COQ3: variants seen among roughly 807,000 people sequenced by gnomAD.
COQ3 encodes ubiquinone biosynthesis O-methyltransferase, mitochondrial.
A neutral mutation model predicts 33.1 loss-of-function variants in COQ3; 29 were observed. That is an observed-to-expected ratio of 0.88 (90% CI 0.65 to 1.19). The LOEUF (loss-of-function observed/expected upper bound fraction) is 1.19, where lower values mean the gene tolerates loss of function less well. Ranked by LOEUF, COQ3 falls within the 50% of genes most tolerant of loss-of-function variation. The pLI is 0.00. For missense variants in COQ3, 437 were observed against 430.7 expected (o/e 1.01, Z -0.13); for synonymous variants, 173 against 157.8 (o/e 1.10, Z -0.72).
At chr6:99,388,400 A>T (rs1774716375) in intron 1 of COQ3, among the ~76,000 whole-genome samples, 1 of 152,236 alleles carries the variant, frequency 6.6e-6, no homozygotes, top group Non-Finnish European at 1.5e-5. Context: ...GAAAGAAATC[A>T]AAGAATAAAC....
intron 1 of COQ3, among the ~76,000 whole-genome samples, chr6:99,393,457 GTGCTCAT>G (rs1457870097): frequency 6.6e-6 from 1 of 152,020 alleles, no homozygotes; most frequent in Non-Finnish European, 1.5e-5. Context: ...TAAATTCCCA[GTGCTCAT>G]ACCAGTGTCT....
chr6:99,392,720 G>C (rs1021429016), intron 1 of COQ3, among the ~76,000 whole-genome samples: 2 of 151,718 alleles, frequency 1.3e-5, no homozygotes, highest in African/African-American at 4.8e-5. Flanking sequence ...CTGCCTCCCA[G>C]GTTCAAGCGA....
intron 1 of COQ3, among the ~76,000 whole-genome samples, chr6:99,384,736 C>G (rs1774569338): frequency 6.6e-6 from 1 of 151,934 alleles, no homozygotes; most frequent in Non-Finnish European, 1.5e-5. Flanking sequence ...GACTTTAGAG[C>G]AAAGAAAGTA....
intron 1 of COQ3, among the ~76,000 whole-genome samples, chr6:99,385,976 C>CAA (rs61403627): frequency 4.1e-5 from 4 of 97,698 alleles, no homozygotes; most frequent in African/African-American, 8.3e-5. Flanking sequence ...GACTCTGTCT[C>CAA]AAAAAAAAAA....
intron 5 of COQ3, among the ~76,000 whole-genome samples, chr6:99,373,590 TG>T (rs1774200290): frequency 6.6e-6 from 1 of 152,194 alleles, no homozygotes. Context: ...CCCTCATATG[TG>T]TCAAAGAACC....
At chr6:99,391,342 G>A (rs1774823816) in intron 1 of COQ3, among the ~76,000 whole-genome samples, 1 of 151,646 alleles carries the variant, frequency 6.6e-6, no homozygotes, top group African/African-American at 2.4e-5. Flanking sequence ...GAGCTCAAGC[G>A]ATCCACCTGC....
At position 99,376,128 on chromosome 6, in the gene COQ3, T is replaced by C. The variant is rs770173382; in HGVS notation, c.541A>G (p.Ile181Val). The change falls in exon 5 of 7, where the codon ATT (isoleucine) becomes GTT (valine). Residue 181 changes from isoleucine to valine, a missense_variant. By Grantham distance (29) the Ile-to-Val change is conservative. Coordinates refer to ENST00000254759, the MANE Select transcript of COQ3 (RefSeq NM_017421.4). ...GATTTATGGCATTGTGCTGTTTTAA[T>C]GTTCTCATCCACAGGGTCGATTCCA... The part of the protein sequence containing the change: ...VIGIDPVDEN[I>V]KTAQCHKSFD... 3 of 1,614,176 alleles carry C rather than the reference T, an allele frequency of 1.9e-6. No homozygotes were observed. Among genetic ancestry groups the C allele is most frequent in the Non-Finnish European group, 2.5e-6 (3 of 1,180,022 alleles).
chr6:99,393,072 A>G (rs1014590618), intron 1 of COQ3, among the ~76,000 whole-genome samples: 1 of 152,204 alleles, frequency 6.6e-6, no homozygotes, highest in East Asian at 1.9e-4. Flanking sequence ...TCAGAAAAAG[A>G]AAAGTATATA....
At chr6:99,371,999 G>A (rs1351610909) in intron 5 of COQ3, among the ~76,000 whole-genome samples, 2 of 152,176 alleles carry the variant, frequency 1.3e-5, no homozygotes, top group Non-Finnish European at 1.5e-5. Flanking sequence ...GTTTGTTACA[G>A]CACAGAGCTA....
intron 1 of COQ3, 50 bp downstream of exon 1, chr6:99,394,024 C>T: frequency 6.6e-7 from 1 of 1,508,542 alleles, no homozygotes; most frequent in Non-Finnish European, 9.2e-7. Flanking sequence ...CGCAGAGACG[C>T]CAGCGCTCGC....
chr6:99,381,757 C>G (rs1390168161), intron 2 of COQ3, among the ~76,000 whole-genome samples: 1 of 152,020 alleles, frequency 6.6e-6, no homozygotes, highest in South Asian at 2.1e-4. Flanking sequence ...GAAACCCAGT[C>G]TCTACTAAAA....
At chr6:99,378,432 G>T (rs373020094) in intron 3 of COQ3, among the ~76,000 whole-genome samples, 2 of 151,808 alleles carry the variant, frequency 1.3e-5, no homozygotes, top group East Asian at 3.9e-4. Context: ...ACTTTCCTTC[G>T]ATGGGTTCTA....
chr6:99,374,458 C>A (rs1774231038), intron 5 of COQ3, among the ~76,000 whole-genome samples: 2 of 152,122 alleles, frequency 1.3e-5, no homozygotes, highest in Admixed American at 6.5e-5. Context: ...TACTTACTAT[C>A]TTTGCAATTT....
At position 99,376,119 on chromosome 6, in the gene COQ3, C is replaced by T; in HGVS notation, c.550G>A (p.Ala184Thr). ...GGATCAAATGATTTATGGCATTGTG[C>T]TGTTTTAATGTTCTCATCCACAGGG... Reference protein sequence around the residue: ...IDPVDENIKTAQCHKSFDPVL... With the variant: ...IDPVDENIKTTQCHKSFDPVL... The change falls in exon 5 of 7, where the codon GCA (alanine) becomes ACA (threonine). Residue 184 changes from alanine to threonine, a missense_variant. Physicochemically the swap from Ala to Thr is moderately conservative, Grantham distance 58. Transcript: ENST00000254759. 6.2e-7 allele frequency: 1 copy of T among 1,614,040 alleles called. No homozygotes were observed. Among genetic ancestry groups the T allele is most frequent in the Non-Finnish European group, 8.5e-7 (1 of 1,179,930 alleles).
At chr6:99,391,466 C>T (rs1042081128) in intron 1 of COQ3, among the ~76,000 whole-genome samples, 1 of 152,214 alleles carries the variant, frequency 6.6e-6, no homozygotes, top group African/African-American at 2.4e-5. Flanking sequence ...TCAAATATCA[C>T]CTCCTGTATG....
intron 1 of COQ3, among the ~76,000 whole-genome samples, chr6:99,390,951 T>G (rs959553569): frequency 6.6e-6 from 1 of 152,224 alleles, no homozygotes; most frequent in African/African-American, 2.4e-5. Flanking sequence ...TTGTAGTCTC[T>G]GCATACTTTT....
At chr6:99,372,225 G>A (rs994898463) in intron 5 of COQ3, among the ~76,000 whole-genome samples, 1 of 152,096 alleles carries the variant, frequency 6.6e-6, no homozygotes, top group South Asian at 2.1e-4. Context: ...CCAACATGGC[G>A]AAACCCCCGT....
At chr6:99,374,568 C>T (rs1007601066) in intron 5 of COQ3, among the ~76,000 whole-genome samples, 2 of 152,178 alleles carry the variant, frequency 1.3e-5, no homozygotes, top group African/African-American at 4.8e-5. Flanking sequence ...ATGTGAACGA[C>T]AGAGTCAGTA....
At chr6:99,381,348 C>T (rs1465213145) in intron 2 of COQ3, among the ~76,000 whole-genome samples, 10 of 152,220 alleles carry the variant, frequency 6.6e-5, no homozygotes. Context: ...GAAAAAAGAC[C>T]AAAATCCTTA....
Sources: gnomAD v4.1 joint callset for allele counts (sites outside exome capture counted in the v4.1 genomes callset) on GRCh38, gnomAD v4.1.1 for gene constraint, MANE v1.5 for transcripts, NCBI Gene and HGNC (gene_info 2026-07-23, HGNC 2026-07-21) for gene names.